Variants in USP49 observed in about 807,000 individuals in gnomAD.
USP49 encodes ubiquitin specific peptidase 49.
Under a neutral mutation model 58.6 loss-of-function variants are expected in USP49, and 24 were observed. The observed-to-expected ratio is 0.41, with a 90% confidence interval of 0.30 to 0.58. The LOEUF is 0.58. USP49 is among the 20% of genes least tolerant of loss of function. USP49 has a pLI of 0.30. For missense variants in USP49, 703 were observed against 866.1 expected, an observed-to-expected ratio of 0.81 and a Z score of 2.36; for synonymous variants, 408 against 365.1, an observed-to-expected ratio of 1.12 and a Z score of -1.34.
chr6:41,847,223 A>G (rs572122457), intron 3 of USP49, among the ~76,000 whole-genome samples: 1 of 152,246 alleles, frequency 6.6e-6, no homozygotes, highest in South Asian at 2.1e-4. Context: ...GCTGCCTGAC[A>G]AAGAATTTAA....
At chr6:41,808,550 A>C (rs1773185285) in intron 3 of USP49, among the ~76,000 whole-genome samples, 1 of 151,524 alleles carries the variant, frequency 6.6e-6, no homozygotes, top group Non-Finnish European at 1.5e-5. Context: ...GCTGGGACTA[A>C]AGGCGTGCGC....
At chr6:41,802,486 T>A (rs1401301364) in intron 5 of USP49, among the ~76,000 whole-genome samples, 4 of 128,778 alleles carry the variant, frequency 3.1e-5, no homozygotes, top group African/African-American at 1.1e-4. Context: ...TTTATTTTTT[T>A]TTTTTGAGAC....
intron 3 of USP49, among the ~76,000 whole-genome samples, chr6:41,865,916 CTTTTTTTTTTTTTT>C (rs34663718): frequency 3.1e-5 from 2 of 65,390 alleles, no homozygotes; most frequent in East Asian, 5.8e-4. Context: ...AGCATGGTGC[CTTTTTTTTTTTTTT>C]TTTTTTTTTT....
intron 5 of USP49, among the ~76,000 whole-genome samples, chr6:41,801,490 C>T (rs927942229): frequency 3.3e-5 from 5 of 152,130 alleles, no homozygotes; most frequent in South Asian, 2.1e-4. Flanking sequence ...CGTCACAATA[C>T]GTGGGGGCAT....
In USP49 at chr6:41,806,480, C is replaced by T. The variant is rs1477581188; in HGVS notation, c.504G>A (p.Lys168=). The change falls in exon 4 of 8, where the codon AAG becomes AAA. Residue 168 remains lysine (K), a synonymous_variant. Coordinates refer to ENST00000682992, the MANE Select transcript of USP49 (RefSeq NM_001286554.2). This position sits in a 1 kb window ranked among gnomAD's most constrained non-coding sequence, Gnocchi z 5.9. ...WFEKSSRGQA[K]LEQRRQEEAL... is the part of the protein sequence containing the mutation. ...CCTCCTCCTGCCGCCGCTGCTCCAG[C>T]TTCGCCTGGCCCCGGGAGCTCTTCT... 1 of 1,597,486 alleles carries T rather than the reference C, an allele frequency of 6.3e-7. No homozygotes were observed. The highest frequency in any genetic ancestry group is 8.5e-7 in the Non-Finnish European group (1 of 1,179,002).
At chr6:41,864,160 T>C (rs1774271121) in intron 3 of USP49, among the ~76,000 whole-genome samples, 1 of 152,192 alleles carries the variant, frequency 6.6e-6, no homozygotes, top group African/African-American at 2.4e-5. Flanking sequence ...TGATAACATA[T>C]GTTAAACCCT....
At chr6:41,831,146 C>T (rs1773626264) in intron 3 of USP49, among the ~76,000 whole-genome samples, 5 of 152,110 alleles carry the variant, frequency 3.3e-5, no homozygotes, top group Admixed American at 3.3e-4. Flanking sequence ...AATACCAGCA[C>T]TTTGGGAGGC....
rs1288000855 is a variant in USP49 at position 41,794,158 on chromosome 6, T to G, written c.*2375A>C. On this transcript the variant is annotated 3_prime_UTR_variant, in exon 8 of 8. Coordinates refer to ENST00000682992, the MANE Select transcript of USP49 (RefSeq NM_001286554.2). Reference sequence around the variant, plus strand: ...CCTAAGTGTCCAGTGCTGCCGCCTCTGGGTACCTGAGGTGTCTGTAACTGC... The same window carrying G: ...CCTAAGTGTCCAGTGCTGCCGCCTCGGGGTACCTGAGGTGTCTGTAACTGC... 6.6e-6 allele frequency: 1 copy of G among 152,296 alleles called. No individual in the cohort carries two copies. The highest frequency in any genetic ancestry group is 1.5e-5 in the Non-Finnish European group (1 of 68,052). 9.4% of individuals were successfully genotyped at this position (152,296 alleles called of 1,614,324 possible).
At chr6:41,851,390 T>C (rs532182942) in intron 3 of USP49, among the ~76,000 whole-genome samples, 1 of 152,258 alleles carries the variant, frequency 6.6e-6, no homozygotes, top group East Asian at 1.9e-4. Flanking sequence ...AAGATGACCA[T>C]CTCAATTGAT....
Position 41,864,350 on chromosome 6 carries a change from G to A in USP49, c.-29+7214C>T, listed in dbSNP as rs535905745. On this transcript the variant is annotated intron_variant, in intron 3 of 7. Coordinates refer to ENST00000682992, the MANE Select transcript of USP49 (RefSeq NM_001286554.2). ...GGCTGAGGCGGGCGGATCACCTGAG[G>A]TCAGGAGTTCGAGACCGGCCTGGTC... is the stretch of plus-strand genomic sequence containing the variant. Among the ~76,000 whole-genome samples, 5 of 152,106 alleles carry A rather than the reference G, an allele frequency of 3.3e-5. No homozygotes were observed. In the South Asian group the frequency reaches 1.0e-3, roughly 32 times the overall value.
chr6:41,855,866 G>A (rs1323715205), intron 3 of USP49, among the ~76,000 whole-genome samples: 2 of 151,216 alleles, frequency 1.3e-5, no homozygotes, highest in Non-Finnish European at 2.9e-5. Context: ...TGGCCAACAT[G>A]GCGAAACCCC....
At chr6:41,815,542 C>T (rs763248981) in intron 3 of USP49, among the ~76,000 whole-genome samples, 1 of 152,236 alleles carries the variant, frequency 6.6e-6, no homozygotes, top group Non-Finnish European at 1.5e-5. Context: ...AGTGTCCTCA[C>T]AGGCTGCTGC....
intron 3 of USP49, among the ~76,000 whole-genome samples, chr6:41,809,320 C>T (rs1773202644): frequency 2.0e-5 from 3 of 151,346 alleles, no homozygotes; most frequent in South Asian, 2.1e-4. Flanking sequence ...GTCAGGAGCT[C>T]GAGACCAGAC....
At chr6:41,837,376 A>G (rs2127345197) in intron 3 of USP49, among the ~76,000 whole-genome samples, 1 of 152,344 alleles carries the variant, frequency 6.6e-6, no homozygotes, top group East Asian at 1.9e-4. Flanking sequence ...TATTCAATAA[A>G]TGGCACCGGA....
intron 2 of USP49, among the ~76,000 whole-genome samples, chr6:41,875,455 G>A (rs1269001095): frequency 6.6e-6 from 1 of 152,134 alleles, no homozygotes; most frequent in East Asian, 1.9e-4. Context: ...CTTACTTATT[G>A]TGATAGTAAA....
At chr6:41,800,051 C>T (rs983052093) in intron 5 of USP49, 113 bp from the exon 6 acceptor site, 7 of 953,512 alleles carry the variant, frequency 7.3e-6, no homozygotes, top group African/African-American at 6.6e-5. Flanking sequence ...AGTATCTGAA[C>T]CTCAATTTTT....
At chr6:41,852,909 G>T (rs1158875823) in intron 3 of USP49, among the ~76,000 whole-genome samples, 1 of 152,162 alleles carries the variant, frequency 6.6e-6, no homozygotes, top group Non-Finnish European at 1.5e-5. Context: ...AAGAATTCTG[G>T]CCAGGCACAG....
chr6:41,816,712 T>G (rs969071542), intron 3 of USP49, among the ~76,000 whole-genome samples: 2 of 151,528 alleles, frequency 1.3e-5, no homozygotes, highest in Non-Finnish European at 2.9e-5. Flanking sequence ...CTATTATTAT[T>G]ATTATTATTT....
chr6:41,827,296 G>GAGTA (rs1230647156), intron 3 of USP49, among the ~76,000 whole-genome samples: 5 of 152,166 alleles, frequency 3.3e-5, no homozygotes, highest in African/African-American at 4.8e-5. Flanking sequence ...GGAGGGCTCT[G>GAGTA]AGTAAGAAGC....
Sources: gnomAD v4.1 joint callset for allele counts (sites outside exome capture counted in the v4.1 genomes callset) on GRCh38, gnomAD v4.1.1 for gene constraint, Gnocchi (gnomAD v3.1) non-coding constraint, MANE v1.5 for transcripts, NCBI Gene and HGNC (gene_info 2026-07-23, HGNC 2026-07-21) for gene names.